The following MGA variants were observed in gnomAD, a reference collection of about 807,000 sequenced individuals.
MGA encodes MAX gene-associated protein.
Under a neutral mutation model 261.1 loss-of-function variants are expected in MGA, and 40 were observed. That is an observed-to-expected ratio of 0.15 (90% confidence interval 0.12 to 0.20). The LOEUF is 0.20. Ranked by LOEUF, MGA falls within the 10% of genes least tolerant of loss-of-function variation. The pLI, the probability that MGA is intolerant of heterozygous loss-of-function variation, is 1.00. For synonymous variants in MGA, 1,302 were observed against 1,290.6 expected (o/e 1.01, Z -0.19); for missense variants, 3,397 against 3,630.5 (o/e 0.94, Z 1.65).
chr15:41,666,471 A>G (rs1246251227), intron 1 of MGA, among the ~76,000 whole-genome samples: 2 of 152,228 alleles, frequency 1.3e-5, no homozygotes, highest in Non-Finnish European at 2.9e-5. Context: ...AAAACTACCT[A>G]TCAGGTACTA....
chr15:41,689,333 C>T (rs2059138144), intron 2 of MGA, among the ~76,000 whole-genome samples: 1 of 151,206 alleles, frequency 6.6e-6, no homozygotes, highest in South Asian at 2.1e-4. Context: ...CTACCTCTCT[C>T]CCTCTCTTCT....
chr15:41,736,917 A>C (rs2061811575), intron 13 of MGA, among the ~76,000 whole-genome samples: 1 of 152,156 alleles, frequency 6.6e-6, no homozygotes, highest in East Asian at 1.9e-4. Flanking sequence ...GCCTTGTATT[A>C]GTTTTAATTT....
chr15:41,677,222 A>G (rs1468860676), intron 2 of MGA, among the ~76,000 whole-genome samples: 6 of 152,118 alleles, frequency 3.9e-5, no homozygotes, highest in Admixed American at 2.6e-4. Context: ...GCTCACAGCA[A>G]CCTCTGCCTC....
chr15:41,752,938 T>A (rs952964850), intron 17 of MGA, among the ~76,000 whole-genome samples: 3 of 151,642 alleles, frequency 2.0e-5, no homozygotes, highest in African/African-American at 7.3e-5. Flanking sequence ...TTATACTGAC[T>A]TTTTTTTTAA....
intron 18 of MGA, among the ~76,000 whole-genome samples, chr15:41,755,152 A>G (rs954361684): frequency 1.3e-5 from 2 of 152,234 alleles, no homozygotes; most frequent in Admixed American, 1.3e-4. Flanking sequence ...TTTCTGTTTT[A>G]GTAAGCCTTA....
At chr15:41,740,735 A>G (rs1270728136) in intron 14 of MGA, among the ~76,000 whole-genome samples, 2 of 152,204 alleles carry the variant, frequency 1.3e-5, no homozygotes, top group African/African-American at 2.4e-5. Context: ...GGAGCTAGCA[A>G]AAGCTAGTGG....
At chr15:41,714,410 A>G (rs967943548) in intron 9 of MGA, among the ~76,000 whole-genome samples, 6 of 152,238 alleles carry the variant, frequency 3.9e-5, no homozygotes, top group South Asian at 2.1e-4. Context: ...AAGACAGGCT[A>G]TTAAAAGTGG....
At chr15:41,673,260 C>A (rs2058172816) in intron 2 of MGA, among the ~76,000 whole-genome samples, 1 of 151,924 alleles carries the variant, frequency 6.6e-6, no homozygotes, top group Non-Finnish European at 1.5e-5. Flanking sequence ...CCCTGTTGCC[C>A]AGGCTGAAGT....
chr15:41,647,137 G>T (rs924538612), intron 1 of MGA, among the ~76,000 whole-genome samples: 2 of 151,988 alleles, frequency 1.3e-5, no homozygotes, highest in African/African-American at 4.8e-5. Flanking sequence ...TACACCCCTC[G>T]GAAAATTGAT....
At chr15:41,763,354 G>A (rs933708123) in intron 22 of MGA, among the ~76,000 whole-genome samples, 2 of 151,322 alleles carry the variant, frequency 1.3e-5, no homozygotes, top group Non-Finnish European at 3.0e-5. Context: ...GCCCACCTCG[G>A]CCTCCCAAAG....
intron 12 of MGA, 23 bp from the exon 13 acceptor site, chr15:41,736,158 T>G: frequency 6.8e-7 from 1 of 1,471,002 alleles, no homozygotes; most frequent in Non-Finnish European, 9.0e-7. Flanking sequence ...AACTTTTTCT[T>G]TTTTATTATT....
At chr15:41,752,594 G>A (rs1474355200) in intron 17 of MGA, among the ~76,000 whole-genome samples, 1 of 119,984 alleles carries the variant, frequency 8.3e-6, no homozygotes, top group African/African-American at 3.2e-5. Context: ...TCGCTTTGTC[G>A]CCCAGGCTGG....
At chr15:41,641,092 A>G (rs1237431362) in intron 1 of MGA, among the ~76,000 whole-genome samples, 1 of 152,210 alleles carries the variant, frequency 6.6e-6, no homozygotes, top group East Asian at 1.9e-4. Flanking sequence ...AATCATACAA[A>G]ATGAGGTCCT....
Position 41,742,526 on chromosome 15 carries a change from C to G in MGA, c.4586-20C>G. ...AATATGAGAACTGAAGATTTTTGAC[C>G]TGCAAATTTCTGTTTGCAGCGGCTC... On this transcript the variant is annotated intron_variant, in intron 14 of 23. Coordinates refer to ENST00000219905, the MANE Select transcript of MGA (RefSeq NM_001164273.2). 1 of 1,603,208 alleles carries G rather than the reference C, an allele frequency of 6.2e-7. No homozygotes were observed. Among genetic ancestry groups the G allele is most frequent in the Middle Eastern group, 2.0e-4 (1 of 5,104 alleles).
chr15:41,655,023 C>T (rs560457415), intron 1 of MGA, among the ~76,000 whole-genome samples: 1 of 152,146 alleles, frequency 6.6e-6, no homozygotes, highest in African/African-American at 2.4e-5. Flanking sequence ...CTAGGTAATA[C>T]ATTTGTCCCT....
At chr15:41,751,334 G>A (rs778592993) in intron 17 of MGA, 1 of 152,140 alleles carries the variant, frequency 6.6e-6, no homozygotes, top group Non-Finnish European at 1.5e-5. Context: ...AGGCCAGATA[G>A]TAAATAGTTT....
At chr15:41,760,579 C>T (rs2151995131) in intron 20 of MGA, 50 bp downstream of exon 20, 4 of 1,563,544 alleles carry the variant, frequency 2.6e-6, no homozygotes, top group Non-Finnish European at 2.6e-6. Flanking sequence ...GAGATTCTTA[C>T]CGATGATATG....
At position 41,643,225 on chromosome 15, in the gene MGA, T is replaced by TTTTAC. The variant is rs1458604089; in HGVS notation, c.-68+21931_-68+21932insCTTTA. 2.1e-5 allele frequency among the ~76,000 whole-genome samples: 3 copies of TTTTAC among 145,138 alleles called. No homozygotes were observed. In the South Asian group the frequency reaches 6.5e-4, roughly 31 times the overall value. ...GGCTCTTTTTTTTTTTTTTAATTTA[T>TTTTAC]TTTATTTTATTTTATTTTTTATTTT... is the stretch of plus-strand genomic sequence containing the variant. On this transcript the variant is annotated intron_variant, in intron 1 of 8. Coordinates refer to the MGA transcript ENST00000566718.
chr15:41,750,691 A>G, intron 17 of MGA, 76 bp downstream of exon 17: 2 of 1,343,920 alleles, frequency 1.5e-6, no homozygotes, highest in South Asian at 1.5e-5. Context: ...CTTTTTCAGA[A>G]GAGCACTAAG....
Sources: gnomAD v4.1 joint callset for allele counts (sites outside exome capture counted in the v4.1 genomes callset) on GRCh38, gnomAD v4.1.1 for gene constraint, MANE v1.5 for transcripts, NCBI Gene and HGNC (gene_info 2026-07-23, HGNC 2026-07-21) for gene names.